NLGN1: variants seen among roughly 807,000 people sequenced by gnomAD.
The protein encoded by NLGN1 is neuroligin 1, also known as neuroligin-1.
NLGN1 carries 12 observed loss-of-function variants against 65.5 expected under a neutral mutation model. That is an observed-to-expected ratio of 0.18 (90% CI 0.12 to 0.30). NLGN1 has a LOEUF of 0.30. NLGN1 is among the 10% of genes least tolerant of loss of function. The probability of loss-of-function intolerance (pLI) is 1.00; values close to 1 mark genes in which losing one functional copy is unlikely to be tolerated. For synonymous variants in NLGN1, 350 were observed against 359.5 expected (o/e 0.97, Z 0.30); for missense variants, 750 against 1,007.1 (o/e 0.74, Z 3.46).
At chr3:173,669,653 A>T (rs866409478) in intron 3 of NLGN1, among the ~76,000 whole-genome samples, 17 of 152,354 alleles carry the variant, frequency 1.1e-4, no homozygotes, top group Middle Eastern at 3.4e-3. Context: ...ACTGGGGATC[A>T]AGACTTCAAT....
intron 4 of NLGN1, among the ~76,000 whole-genome samples, chr3:174,073,390 G>A (rs1228398051): frequency 6.6e-6 from 1 of 151,940 alleles, no homozygotes; most frequent in Non-Finnish European, 1.5e-5. Context: ...TTTTGGCGGG[G>A]GGGCACTTTA....
At chr3:173,503,206 A>G (rs2149066921) in intron 2 of NLGN1, among the ~76,000 whole-genome samples, 1 of 152,190 alleles carries the variant, frequency 6.6e-6, no homozygotes, top group Non-Finnish European at 1.5e-5. Context: ...CTGGAAGACT[A>G]AGAATCTTAG....
intron 4 of NLGN1, among the ~76,000 whole-genome samples, chr3:173,833,377 T>C (rs1165808626): frequency 6.6e-6 from 1 of 152,196 alleles, no homozygotes; most frequent in Non-Finnish European, 1.5e-5. Context: ...TTTCCTTCCA[T>C]GGATTGCTTA....
At chr3:173,415,622 G>A (rs1024285533) in intron 1 of NLGN1, among the ~76,000 whole-genome samples, 4 of 152,088 alleles carry the variant, frequency 2.6e-5, no homozygotes, top group African/African-American at 4.8e-5. Flanking sequence ...TGCCTGTTTC[G>A]TAGAGTAGTA....
chr3:173,747,310 A>AT (rs1775605508), intron 3 of NLGN1, among the ~76,000 whole-genome samples: 1 of 139,870 alleles, frequency 7.1e-6, no homozygotes, highest in Non-Finnish European at 1.5e-5. Flanking sequence ...GTATGTATAT[A>AT]TTTATATATA....
At chr3:173,943,234 A>AC (rs969927551) in intron 4 of NLGN1, among the ~76,000 whole-genome samples, 3 of 151,840 alleles carry the variant, frequency 2.0e-5, no homozygotes, top group Non-Finnish European at 2.9e-5. Context: ...AAAAACAAAA[A>AC]AAAATAATGA....
At chr3:173,909,385 T>G (rs1739113899) in intron 4 of NLGN1, among the ~76,000 whole-genome samples, 1 of 152,130 alleles carries the variant, frequency 6.6e-6, no homozygotes, top group African/African-American at 2.4e-5. Flanking sequence ...AACAGAAGCA[T>G]CTCATCCTTT....
At chr3:173,589,444 C>A (rs1748064757) in intron 2 of NLGN1, among the ~76,000 whole-genome samples, 1 of 152,092 alleles carries the variant, frequency 6.6e-6, no homozygotes, top group Admixed American at 6.6e-5. Context: ...ACCTATAATT[C>A]TGTTTATGTT....
chr3:174,079,538 G>A (rs185044908), intron 4 of NLGN1, among the ~76,000 whole-genome samples: 29 of 152,260 alleles, frequency 1.9e-4, no homozygotes, highest in Admixed American at 1.6e-3. Context: ...TCCCGTTACT[G>A]GGTGTATATC....
chr3:173,712,810 A>G (rs987663540), intron 3 of NLGN1, among the ~76,000 whole-genome samples: 4 of 147,870 alleles, frequency 2.7e-5, no homozygotes, highest in African/African-American at 9.8e-5. Context: ...TTGATTTTTT[A>G]AAGATAAAAA....
intron 4 of NLGN1, among the ~76,000 whole-genome samples, chr3:174,129,352 A>AC (rs2152667235): frequency 1.0e-5 from 1 of 95,422 alleles, no homozygotes; most frequent in East Asian, 3.0e-4. Flanking sequence ...CCCCCGGTTT[A>AC]CAACACACAC....
At chr3:173,921,094 A>G (rs529070931) in intron 4 of NLGN1, among the ~76,000 whole-genome samples, 6 of 150,552 alleles carry the variant, frequency 4.0e-5, no homozygotes, top group Non-Finnish European at 8.9e-5. Context: ...AAATCCTCCA[A>G]AGCAATTTGG....
At chr3:173,599,938 C>T (rs554875098) in intron 2 of NLGN1, among the ~76,000 whole-genome samples, 7 of 152,018 alleles carry the variant, frequency 4.6e-5, no homozygotes, top group African/African-American at 1.7e-4. Flanking sequence ...TTTATGAACA[C>T]AGATTGGAGA....
chr3:173,399,013 CCT>C (rs148313323), intron 1 of NLGN1, among the ~76,000 whole-genome samples: 2,297 of 152,182 alleles, frequency 0.015, 65 homozygotes, highest in African/African-American at 0.052. Flanking sequence ...GCCATTGTAA[CCT>C]AGCAGAACAC....
chr3:173,673,743 AC>A (rs1762761975), intron 3 of NLGN1, among the ~76,000 whole-genome samples: 1 of 152,166 alleles, frequency 6.6e-6, no homozygotes, highest in Non-Finnish European at 1.5e-5. Context: ...TTTTTTAAGT[AC>A]ATATGTTAAT....
intron 3 of NLGN1, among the ~76,000 whole-genome samples, chr3:173,645,568 G>A (rs926249884): frequency 2.0e-5 from 3 of 152,202 alleles, no homozygotes; most frequent in African/African-American, 4.8e-5. Flanking sequence ...TCAATGCACA[G>A]TCAGGCCGAG....
chr3:173,900,153 G>T (rs1737067588), intron 4 of NLGN1, among the ~76,000 whole-genome samples: 1 of 152,010 alleles, frequency 6.6e-6, no homozygotes, highest in Non-Finnish European at 1.5e-5. Context: ...AAAATAAAAA[G>T]AACTTATAAT....
intron 4 of NLGN1, among the ~76,000 whole-genome samples, chr3:174,107,407 G>A (rs761139699): frequency 2.4e-4 from 36 of 151,970 alleles, no homozygotes; most frequent in Non-Finnish European, 3.1e-4. Flanking sequence ...ACTTATGCCC[G>A]GCATTTTTCC....
chr3:173,711,481 A>G (rs1768974809), intron 3 of NLGN1, among the ~76,000 whole-genome samples: 1 of 152,172 alleles, frequency 6.6e-6, no homozygotes, highest in African/African-American at 2.4e-5. Flanking sequence ...TTAAATTATA[A>G]TATTAAATTG....
Sources: allele counts gnomAD v4.1 joint callset (sites outside exome capture counted in the v4.1 genomes callset), GRCh38; gene constraint gnomAD v4.1.1; transcripts MANE v1.5; gene names NCBI Gene and HGNC (gene_info 2026-07-23, HGNC 2026-07-21).